The following DPP10 variants were observed in gnomAD, a reference collection of about 807,000 sequenced individuals.
DPP10 encodes inactive dipeptidyl peptidase 10.
A neutral mutation model predicts 120.9 loss-of-function variants in DPP10; 33 were observed. The ratio of observed to expected loss-of-function variants is 0.27; its 90% CI spans 0.21 to 0.37. DPP10 has a LOEUF of 0.37. DPP10 is among the 10% of genes least tolerant of loss of function. The probability of loss-of-function intolerance (pLI) is 1.00; values close to 1 mark genes in which losing one functional copy is unlikely to be tolerated. For missense variants in DPP10, 816 were observed against 942.8 expected, an observed-to-expected ratio of 0.87 and a Z score of 1.76; for synonymous variants, 337 against 326.1, an observed-to-expected ratio of 1.03 and a Z score of -0.36.
At chr2:114,920,909 A>C (rs1250263180) in intron 1 of DPP10, among the ~76,000 whole-genome samples, 1 of 152,132 alleles carries the variant, frequency 6.6e-6, no homozygotes, top group East Asian at 1.9e-4. Context: ...GACACAGAAA[A>C]TCTTCTCATC....
intron 5 of DPP10, among the ~76,000 whole-genome samples, chr2:115,590,420 T>C (rs1040514562): frequency 2.6e-5 from 4 of 152,120 alleles, no homozygotes; most frequent in African/African-American, 9.7e-5. Context: ...ATGCGGTGTT[T>C]GGTTTTCTGT....
chr2:115,200,478 G>C (rs1207172670), intron 1 of DPP10, among the ~76,000 whole-genome samples: 1 of 152,142 alleles, frequency 6.6e-6, no homozygotes. Flanking sequence ...AACAAAGGAA[G>C]CTCCGTTCAG....
At chr2:114,832,519 G>A (rs752414876) in intron 1 of DPP10, among the ~76,000 whole-genome samples, 5 of 152,180 alleles carry the variant, frequency 3.3e-5, no homozygotes, top group Non-Finnish European at 7.3e-5. Flanking sequence ...TGGCGACAGA[G>A]CGAGACTCCG....
At chr2:115,561,357 A>AT (rs2080656715) in intron 5 of DPP10, among the ~76,000 whole-genome samples, 1 of 100,816 alleles carries the variant, frequency 9.9e-6, no homozygotes, top group African/African-American at 4.2e-5. Flanking sequence ...AGACTCCATC[A>AT]CAAAAAAAAA....
intron 19 of DPP10, among the ~76,000 whole-genome samples, chr2:115,812,934 A>G (rs35326223): frequency 2.8e-5 from 4 of 144,084 alleles, no homozygotes; most frequent in Non-Finnish European, 6.1e-5. Flanking sequence ...TGCTAGGACC[A>G]CCATAACTAA....
intron 5 of DPP10, among the ~76,000 whole-genome samples, chr2:115,680,113 A>G (rs1403070553): frequency 6.6e-6 from 1 of 151,994 alleles, no homozygotes; most frequent in African/African-American, 2.4e-5. Context: ...ATTCCCCAAA[A>G]TATGTACAAT....
intron 8 of DPP10, among the ~76,000 whole-genome samples, chr2:115,729,616 A>T (rs1405431470): frequency 1.3e-5 from 2 of 152,172 alleles, no homozygotes; most frequent in Non-Finnish European, 2.9e-5. Flanking sequence ...AAAAATTTTT[A>T]AAAATTAGCC....
intron 3 of DPP10, among the ~76,000 whole-genome samples, chr2:115,415,043 T>G (rs759620594): frequency 1.3e-5 from 2 of 152,212 alleles, no homozygotes; most frequent in Non-Finnish European, 2.9e-5. Context: ...TTAGCCTTAC[T>G]TGTGCCTTAT....
chr2:114,779,154 A>G (rs756578239), intron 1 of DPP10, among the ~76,000 whole-genome samples: 1 of 151,800 alleles, frequency 6.6e-6, no homozygotes, highest in Non-Finnish European at 1.5e-5. Context: ...ATCAGTGTAT[A>G]CCCCTGTGAA....
At chr2:115,266,019 TGAA>T (rs905854518) in intron 1 of DPP10, among the ~76,000 whole-genome samples, 3 of 151,950 alleles carry the variant, frequency 2.0e-5, no homozygotes, top group African/African-American at 4.8e-5. Context: ...TTATCAAAGA[TGAA>T]GAAGAAGAGG....
At chr2:114,933,353 A>C (rs1256861606) in intron 1 of DPP10, among the ~76,000 whole-genome samples, 1 of 152,168 alleles carries the variant, frequency 6.6e-6, no homozygotes, top group Non-Finnish European at 1.5e-5. Context: ...AATCTGAAAC[A>C]TCCTTTCTCA....
chr2:115,430,583 A>G (rs1169934255), intron 3 of DPP10, among the ~76,000 whole-genome samples: 1 of 152,158 alleles, frequency 6.6e-6, no homozygotes, highest in Non-Finnish European at 1.5e-5. Context: ...CAGGTAATAC[A>G]AACAAACAAT....
chr2:115,560,320 G>A (rs2080490759), intron 5 of DPP10, among the ~76,000 whole-genome samples: 1 of 128,344 alleles, frequency 7.8e-6, no homozygotes, highest in Non-Finnish European at 1.6e-5. Flanking sequence ...GCAGTGAGCC[G>A]AGGTGGTGCC....
At chr2:114,971,042 T>C (rs1015227905) in intron 1 of DPP10, among the ~76,000 whole-genome samples, 3 of 152,204 alleles carry the variant, frequency 2.0e-5, no homozygotes, top group African/African-American at 7.2e-5. Context: ...ATGTGTTTTA[T>C]AAACATAACT....
chr2:115,375,479 C>T (rs769494306), intron 3 of DPP10, among the ~76,000 whole-genome samples: 2 of 152,196 alleles, frequency 1.3e-5, no homozygotes, highest in Non-Finnish European at 2.9e-5. Context: ...TGTACCACAT[C>T]TTCCTTTCTT....
At chr2:114,642,880 T>A (rs552563479) in intron 1 of DPP10, among the ~76,000 whole-genome samples, 1 of 151,846 alleles carries the variant, frequency 6.6e-6, no homozygotes, top group Non-Finnish European at 1.5e-5. Flanking sequence ...CAATAACCCA[T>A]GAAAATAATC....
At chr2:115,503,275 C>T (rs1205488665) in intron 4 of DPP10, among the ~76,000 whole-genome samples, 1 of 152,084 alleles carries the variant, frequency 6.6e-6, no homozygotes, top group Non-Finnish European at 1.5e-5. Context: ...TTTATAATGC[C>T]TAGAGACAGC....
At chr2:115,593,724 TTCTC>T (rs2082819528) in intron 5 of DPP10, among the ~76,000 whole-genome samples, 1 of 152,210 alleles carries the variant, frequency 6.6e-6, no homozygotes, top group Non-Finnish European at 1.5e-5. Flanking sequence ...AACATAATTT[TTCTC>T]TCTCTATTCC....
At chr2:115,176,656 C>T (rs550990150) in intron 1 of DPP10, among the ~76,000 whole-genome samples, 2 of 152,272 alleles carry the variant, frequency 1.3e-5, no homozygotes, top group South Asian at 4.1e-4. Flanking sequence ...AAGAGCCATA[C>T]TAGTAGTTGT....
Sources: gnomAD v4.1 joint callset for allele counts (sites outside exome capture counted in the v4.1 genomes callset) on GRCh38, gnomAD v4.1.1 for gene constraint, MANE v1.5 for transcripts, NCBI Gene and HGNC (gene_info 2026-07-23, HGNC 2026-07-21) for gene names.